The following MBTPS1 variants were observed in gnomAD, a reference collection of about 807,000 sequenced individuals.
MBTPS1 encodes membrane-bound transcription factor site-1 protease.
MBTPS1 carries 94 observed loss-of-function variants against 127.8 expected under a neutral mutation model. The observed-to-expected ratio is 0.74, with a 90% CI of 0.62 to 0.87. MBTPS1 has a LOEUF of 0.87. MBTPS1 is among the 40% of genes least tolerant of loss of function. The pLI, the probability that MBTPS1 is intolerant of heterozygous loss-of-function variation, is 0.00. For missense variants in MBTPS1, 1,636 were observed against 1,353.2 expected, an observed-to-expected ratio of 1.21 and a Z score of -3.28; for synonymous variants, 632 against 509.4, an observed-to-expected ratio of 1.24 and a Z score of -3.24.
At chr16:84,112,193 G>A (rs1429473002) in intron 1 of MBTPS1, among the ~76,000 whole-genome samples, 1 of 151,744 alleles carries the variant, frequency 6.6e-6, no homozygotes. Context: ...TGGAGAGACT[G>A]TCTCAAATGG....
intron 8 of MBTPS1, among the ~76,000 whole-genome samples, chr16:84,090,071 G>T (rs1207675872): frequency 2.0e-5 from 3 of 152,224 alleles, no homozygotes; most frequent in Non-Finnish European, 4.4e-5. Context: ...AGAGTCCTAT[G>T]AATGCCAATA....
At chr16:84,067,612 G>A in intron 16 of MBTPS1, 55 bp downstream of exon 16, 2 of 1,351,580 alleles carry the variant, frequency 1.5e-6, no homozygotes, top group African/African-American at 1.5e-5. Context: ...TATTTGCTGG[G>A]TAGAATTTGA....
chr16:84,100,145 C>T (rs2086233725), intron 2 of MBTPS1, among the ~76,000 whole-genome samples: 1 of 152,224 alleles, frequency 6.6e-6, no homozygotes, highest in African/African-American at 2.4e-5. Context: ...GGCACAGTGG[C>T]TCATGCCTAT....
intron 12 of MBTPS1, among the ~76,000 whole-genome samples, chr16:84,072,965 T>G (rs1259098166): frequency 4.6e-5 from 7 of 152,234 alleles, no homozygotes; most frequent in African/African-American, 1.7e-4. Flanking sequence ...GGAGTTTATG[T>G]TAAGGAAATA....
chr16:84,091,024 A>G (rs2086098389), intron 7 of MBTPS1, 82 bp from the exon 8 acceptor site: 1 of 974,804 alleles, frequency 1.0e-6, no homozygotes, highest in Non-Finnish European at 1.6e-6. Context: ...AACCATACAC[A>G]ACGTCTAAAA....
At chr16:84,104,149 T>C (rs1033219581) in intron 1 of MBTPS1, among the ~76,000 whole-genome samples, 23 of 152,332 alleles carry the variant, frequency 1.5e-4, no homozygotes, top group African/African-American at 4.3e-4. Context: ...AAGCCAGTAA[T>C]AACAGTTCTC....
intron 11 of MBTPS1, among the ~76,000 whole-genome samples, chr16:84,078,796 C>T (rs1387154021): frequency 2.0e-5 from 3 of 152,158 alleles, no homozygotes; most frequent in Non-Finnish European, 1.5e-5. Flanking sequence ...ATATCCACAG[C>T]GATGCTATCC....
chr16:84,075,971 T>G (rs1275583767), intron 11 of MBTPS1, among the ~76,000 whole-genome samples: 3 of 152,242 alleles, frequency 2.0e-5, no homozygotes, highest in Non-Finnish European at 4.4e-5. Flanking sequence ...GTTTGTAAAC[T>G]TTGCTGGTAA....
At chr16:84,116,388 T>C (rs950571135) in intron 1 of MBTPS1, among the ~76,000 whole-genome samples, 1 of 152,226 alleles carries the variant, frequency 6.6e-6, no homozygotes, top group Non-Finnish European at 1.5e-5. Flanking sequence ...TCGACGTCTT[T>C]TAAACCTGAC....
intron 21 of MBTPS1, among the ~76,000 whole-genome samples, chr16:84,058,904 G>A (rs546997345): frequency 6.6e-5 from 10 of 152,124 alleles, no homozygotes; most frequent in South Asian, 2.1e-4. Context: ...GGCTGCAACC[G>A]CGGCCCCCGG....
In MBTPS1 at chr16:84,081,728, G is replaced by C. The variant is rs775786294; in HGVS notation, c.1448+19C>G. 3.4e-5 allele frequency: 45 copies of C among 1,342,400 alleles called. No individual in the cohort carries two copies. The highest frequency in any genetic ancestry group is 4.3e-5 in the Non-Finnish European group (45 of 1,035,448). The allele number at this position is 1,342,400 out of a possible 1,614,324, so 83.2% of individuals were successfully genotyped here. ...CCAGTGAAGGAGAGAAAGACCCATC[G>C]GCAGGGCGGTGCACTGACCTTGCCT... On this transcript the variant is annotated intron_variant, in intron 11 of 22. Coordinates refer to ENST00000343411, the MANE Select transcript of MBTPS1 (RefSeq NM_003791.4).
At chr16:84,072,855 G>A (rs1371800015) in intron 12 of MBTPS1, among the ~76,000 whole-genome samples, 1 of 152,210 alleles carries the variant, frequency 6.6e-6, no homozygotes, top group Non-Finnish European at 1.5e-5. Context: ...CCCACTGGCA[G>A]CAGTCTAAGC....
Position 84,054,569 on chromosome 16 carries a change from G to C in MBTPS1, c.3039C>G (p.Val1013=). The change falls in exon 23 of 23, where the codon GTC becomes GTG. Residue 1013 remains valine (V), a synonymous_variant. Transcript: ENST00000343411. ...PVFAFLGAMV[V]LAFFVVQINK... is the part of the protein sequence containing the mutation. ...TGATTTGTACCACAAAGAAGGCCAGGACCACCATGGCTCCCAGGAAGGCAA... is the reference window on the plus strand; with the variant it reads ...TGATTTGTACCACAAAGAAGGCCAGCACCACCATGGCTCCCAGGAAGGCAA... The C allele has an allele frequency of 2.6e-5, 42 of 1,613,894 alleles. No individual in the cohort carries two copies. The highest frequency in any genetic ancestry group is 3.5e-5 in the Non-Finnish European group (41 of 1,179,874).
chr16:84,058,270 G>A (rs568500898), intron 21 of MBTPS1, among the ~76,000 whole-genome samples: 10 of 152,344 alleles, frequency 6.6e-5, no homozygotes, highest in South Asian at 6.2e-4. Context: ...GAGTAAAGGC[G>A]GAAGGCAGCC....
intron 22 of MBTPS1, 57 bp from the exon 23 acceptor site, chr16:84,054,702 C>G: frequency 7.3e-7 from 1 of 1,367,022 alleles, no homozygotes; most frequent in Non-Finnish European, 9.9e-7. Flanking sequence ...CCATGACGGC[C>G]TTTTTCTATG....
chr16:84,069,717 T>C (rs778770968), intron 14 of MBTPS1, 149 bp downstream of exon 14: 47 of 716,432 alleles, frequency 6.6e-5, no homozygotes, highest in Non-Finnish European at 9.3e-5. Context: ...CTGCCCTAAG[T>C]GCATGGCAAA....
chr16:84,093,827 T>G lies in MBTPS1; in HGVS notation c.626-6A>C, dbSNP rs768254937. On this transcript the variant is annotated splice_polypyrimidine_tract_variant and splice_region_variant and intron_variant, in intron 4 of 22. Coordinates refer to ENST00000343411, the MANE Select transcript of MBTPS1 (RefSeq NM_003791.4). Reference sequence around the variant, plus strand: ...AGCAACTCTTACATTAGCACCTTATTCGGAAAAGAAAGCAAACACAATTAT... The same window carrying G: ...AGCAACTCTTACATTAGCACCTTATGCGGAAAAGAAAGCAAACACAATTAT... The G allele has an allele frequency of 2.5e-6, 4 of 1,581,150 alleles. No individual in the cohort carries two copies. Among genetic ancestry groups the G allele is most frequent in the Admixed American group, 1.7e-5 (1 of 59,980 alleles).
chr16:84,089,212 G>A (rs540289981), intron 8 of MBTPS1, among the ~76,000 whole-genome samples: 23 of 152,374 alleles, frequency 1.5e-4, no homozygotes, highest in Admixed American at 9.1e-4. Context: ...AGATCAAGGT[G>A]AACTGAGATT....
rs1432774383 is a variant in MBTPS1, at chr16:84,085,014, C to A, written c.1255G>T (p.Val419Leu). ...AACAAGGTGACAGCACCTGCAACCA[C>A]TGGAGAAGCAACACTGGTCCCTGAG... ...ALSGTSVASP[V>L]VAGAVTLLVS... Residue 419 changes from valine (V) to leucine (L), a missense_variant, in exon 10 of 23, where the codon GTG (valine) becomes TTG (leucine). By Grantham distance (32) the Val-to-Leu change is conservative (BLOSUM62 1). Transcript: ENST00000343411. 7.4e-6 allele frequency: 12 copies of A among 1,614,088 alleles called. No homozygotes were observed. In the Admixed American group the frequency reaches 2.0e-4, roughly 27 times the overall value.
Sources: allele counts gnomAD v4.1 joint callset (sites outside exome capture counted in the v4.1 genomes callset), GRCh38; gene constraint gnomAD v4.1.1; transcripts MANE v1.5; gene names NCBI Gene and HGNC (gene_info 2026-07-23, HGNC 2026-07-21).